AGBL4: variants seen among roughly 807,000 people sequenced by gnomAD.
AGBL4 encodes the protein cytosolic carboxypeptidase 6.
Under a neutral mutation model 66.4 loss-of-function variants are expected in AGBL4, and 58 were observed. The ratio of observed to expected loss-of-function variants is 0.87; its 90% CI spans 0.71 to 1.09. The LOEUF is 1.09. Among genes scored for constraint, AGBL4 ranks in the 50% least tolerant of loss-of-function variants. The pLI is 0.00. For synonymous variants in AGBL4, 234 were observed against 222.9 expected (o/e 1.05, Z -0.44); for missense variants, 579 against 631.0 (o/e 0.92, Z 0.88).
rs761996197 is a variant in AGBL4 at position 48,663,138 on chromosome 1, A to G, written c.724+14T>C. 1.2e-6 allele frequency: 2 copies of G among 1,613,574 alleles called. No individual in the cohort carries two copies. Among genetic ancestry groups the G allele is most frequent in the East Asian group, 4.5e-5 (2 of 44,880 alleles). On this transcript the variant is annotated intron_variant, in intron 7 of 13. Transcript: ENST00000371839. ...GATGTGGGTATAGGATACCTATGAG[A>G]TCCTGCCACTCACCTTGGCACACAA...
intron 1 of AGBL4, among the ~76,000 whole-genome samples, chr1:49,874,914 T>C (rs1157348523): frequency 1.3e-4 from 19 of 146,598 alleles, no homozygotes; most frequent in Middle Eastern, 3.7e-3. Context: ...CATGCTGGTG[T>C]GCTGCACCCA....
chr1:49,950,393 G>A (rs943429171), intron 1 of AGBL4, among the ~76,000 whole-genome samples: 2 of 151,032 alleles, frequency 1.3e-5, no homozygotes, highest in African/African-American at 2.4e-5. Context: ...AATGCACTTC[G>A]TGGATTCAGG....
At chr1:49,739,565 A>C (rs1330599253) in intron 2 of AGBL4, among the ~76,000 whole-genome samples, 1 of 152,162 alleles carries the variant, frequency 6.6e-6, no homozygotes, top group Non-Finnish European at 1.5e-5. Context: ...CGCCACAAAG[A>C]TACTCCTCAA....
chr1:49,042,896 AT>A (rs1316344864), intron 5 of AGBL4, among the ~76,000 whole-genome samples: 3 of 151,728 alleles, frequency 2.0e-5, no homozygotes, highest in African/African-American at 4.8e-5. Context: ...CATGTTCTTA[AT>A]TCATTTTTTC....
intron 1 of AGBL4, among the ~76,000 whole-genome samples, chr1:49,871,534 C>A (rs1646839296): frequency 6.6e-6 from 1 of 152,024 alleles, no homozygotes; most frequent in South Asian, 2.1e-4. Context: ...AAATCTAATT[C>A]TATGTTGAGT....
intron 5 of AGBL4, among the ~76,000 whole-genome samples, chr1:48,903,591 C>T (rs1652300199): frequency 6.6e-6 from 1 of 152,210 alleles, no homozygotes; most frequent in Admixed American, 6.5e-5. Context: ...TCTTGTTCAG[C>T]ACTTCTCCTA....
intron 11 of AGBL4, among the ~76,000 whole-genome samples, chr1:48,567,012 A>G (rs376757320): frequency 6.6e-6 from 1 of 152,218 alleles, no homozygotes. Context: ...AAATAAATCT[A>G]TATATACATG....
intron 5 of AGBL4, among the ~76,000 whole-genome samples, chr1:48,934,092 T>C (rs1207942952): frequency 6.6e-6 from 1 of 152,180 alleles, no homozygotes; most frequent in African/African-American, 2.4e-5. Context: ...CCCATTCTTT[T>C]CCCTAATGTT....
Position 48,736,499 on chromosome 1 carries a change from C to T in AGBL4, c.635-73258G>A. The T allele has an allele frequency of 6.6e-7, 1 of 1,509,022 alleles. No individual in the cohort carries two copies. The highest frequency in any genetic ancestry group is 9.2e-7 in the Non-Finnish European group (1 of 1,088,736). The allele number at this position is 1,509,022 out of a possible 1,614,324, so 93.5% of individuals were successfully genotyped here. On this transcript the variant is annotated intron_variant, in intron 6 of 13. Coordinates refer to ENST00000371839, the MANE Select transcript of AGBL4 (RefSeq NM_032785.4). The surrounding 1 kb of genome is among the most constrained non-coding windows in gnomAD (Gnocchi z 4.0). Reference sequence around the variant, plus strand: ...GCACCTGTTTAGTCCGACAGGAGGGCAGTGGGAGGCTTCTCTTGTCCTTTA... The same window carrying T: ...GCACCTGTTTAGTCCGACAGGAGGGTAGTGGGAGGCTTCTCTTGTCCTTTA...
At chr1:49,931,450 G>C (rs1303521713) in intron 1 of AGBL4, among the ~76,000 whole-genome samples, 1 of 152,134 alleles carries the variant, frequency 6.6e-6, no homozygotes, top group Non-Finnish European at 1.5e-5. Context: ...AGGTGAAGGG[G>C]AAACAAGGCA....
At chr1:49,907,597 T>A (rs1042562739) in intron 1 of AGBL4, among the ~76,000 whole-genome samples, 1 of 152,178 alleles carries the variant, frequency 6.6e-6, no homozygotes, top group African/African-American at 2.4e-5. Context: ...ATTCCAACTA[T>A]GTGATATTCT....
intron 3 of AGBL4, among the ~76,000 whole-genome samples, chr1:49,551,412 T>A (rs927593850): frequency 2.0e-5 from 3 of 152,196 alleles, no homozygotes; most frequent in African/African-American, 4.8e-5. Context: ...TGGTTCCTTC[T>A]CATTTGGGTA....
intron 2 of AGBL4, among the ~76,000 whole-genome samples, chr1:49,745,398 A>G (rs553607100): frequency 1.1e-4 from 17 of 152,108 alleles, no homozygotes; most frequent in Non-Finnish European, 2.4e-4. Context: ...CTATTTTATT[A>G]TTAGTTATTG....
intron 2 of AGBL4, among the ~76,000 whole-genome samples, chr1:49,826,546 A>G (rs1436179288): frequency 6.6e-6 from 1 of 152,354 alleles, no homozygotes; most frequent in East Asian, 1.9e-4. Context: ...AAGGAACCAT[A>G]TCAGGTTTTC....
At chr1:49,589,513 C>T (rs768477410) in intron 3 of AGBL4, among the ~76,000 whole-genome samples, 35 of 152,026 alleles carry the variant, frequency 2.3e-4, no homozygotes, top group Admixed American at 2.0e-4. Flanking sequence ...TATTTTAGGA[C>T]TTCAAAGTAT....
At chr1:48,524,200 CAGCTCCAGG>C in the AGBL4 span, among the ~76,000 whole-genome samples, 776 of 152,244 alleles carry the variant, frequency 5.1e-3, 9 homozygotes, top group African/African-American at 0.018. Context: ...CATGGAATTT[CAGCTCCAGG>C]AGCACTTTGG....
At chr1:48,650,192 G>C (rs1210878935) in intron 8 of AGBL4, among the ~76,000 whole-genome samples, 1 of 152,216 alleles carries the variant, frequency 6.6e-6, no homozygotes, top group African/African-American at 2.4e-5. Context: ...GGACTGCAGA[G>C]AGGAGCAGGG....
intron 4 of AGBL4, chr1:49,175,114 T>C (rs1223406613): frequency 6.6e-6 from 1 of 152,024 alleles, no homozygotes; most frequent in Non-Finnish European, 1.5e-5. Context: ...TCTAATGTAG[T>C]TGGGTTTAAT....
intron 3 of AGBL4, among the ~76,000 whole-genome samples, chr1:49,629,943 C>G (rs1388099433): frequency 6.6e-6 from 1 of 152,074 alleles, no homozygotes; most frequent in Non-Finnish European, 1.5e-5. Context: ...TAATCAGCAC[C>G]CTTATTTGCA....
Sources: allele counts gnomAD v4.1 joint callset (sites outside exome capture counted in the v4.1 genomes callset), GRCh38; gene constraint gnomAD v4.1.1; non-coding constraint Gnocchi (gnomAD v3.1); transcripts MANE v1.5; gene names NCBI Gene and HGNC (gene_info 2026-07-23, HGNC 2026-07-21).